The following LRP1B variants were observed in gnomAD, a reference collection of about 807,000 sequenced individuals.
LRP1B encodes the protein low-density lipoprotein receptor-related protein 1B.
LRP1B carries 217 observed loss-of-function variants against 556.6 expected under a neutral mutation model. The observed-to-expected ratio is 0.39, with a 90% CI of 0.35 to 0.44. The LOEUF (loss-of-function observed/expected upper bound fraction) is 0.44. LRP1B is among the 20% of genes least tolerant of loss of function. The probability of loss-of-function intolerance (pLI) is 1.00; values close to 1 mark genes in which losing one functional copy is unlikely to be tolerated. For synonymous variants in LRP1B, 2,047 were observed against 1,865.8 expected (o/e 1.10, Z -2.50); for missense variants, 5,053 against 5,620.8 (o/e 0.90, Z 3.23).
At chr2:141,932,567 T>A (rs1700536514) in intron 1 of LRP1B, among the ~76,000 whole-genome samples, 1 of 152,050 alleles carries the variant, frequency 6.6e-6, no homozygotes, top group African/African-American at 2.4e-5. Flanking sequence ...CTTGTGTAAG[T>A]GCATTTCATA....
At chr2:142,121,587 A>T (rs1707457768) in intron 1 of LRP1B, among the ~76,000 whole-genome samples, 1 of 152,170 alleles carries the variant, frequency 6.6e-6, no homozygotes, top group African/African-American at 2.4e-5. Flanking sequence ...GTTTTACCAA[A>T]TATGTCACTT....
intron 23 of LRP1B, among the ~76,000 whole-genome samples, chr2:140,889,898 A>T (rs1693748112): frequency 6.6e-6 from 1 of 152,110 alleles, no homozygotes; most frequent in Non-Finnish European, 1.5e-5. Flanking sequence ...GTAAATGAAG[A>T]TGTGCATACA....
chr2:141,434,740 G>T (rs895110159), intron 3 of LRP1B, among the ~76,000 whole-genome samples: 1 of 130,470 alleles, frequency 7.7e-6, no homozygotes, highest in Non-Finnish European at 1.7e-5. Flanking sequence ...CTAGCTGGTG[G>T]TATTGATAGG....
intron 2 of LRP1B, among the ~76,000 whole-genome samples, chr2:141,586,926 A>G (rs1687159490): frequency 6.8e-6 from 1 of 147,710 alleles, no homozygotes; most frequent in Non-Finnish European, 1.5e-5. Context: ...TGGGCGACAG[A>G]GTGAGACTCC....
At chr2:140,515,733 T>C (rs761282691) in intron 50 of LRP1B, among the ~76,000 whole-genome samples, 5 of 151,994 alleles carry the variant, frequency 3.3e-5, no homozygotes, top group Admixed American at 2.6e-4. Context: ...TGAATCCACA[T>C]ACAATATTTT....
chr2:141,811,791 G>A lies in LRP1B; in HGVS notation c.83-1390C>T, dbSNP rs570566075. On this transcript the variant is annotated intron_variant, in intron 1 of 90. Coordinates refer to ENST00000389484, the MANE Select transcript of LRP1B (RefSeq NM_018557.3). The stretch of plus-strand genomic sequence containing the variant: ...ATTTGGCCTCAGACTTGGTGCTGTA[G>A]AATCAACGATGTAGAAGCCAGTCTT... Among the ~76,000 whole-genome samples the A allele has an allele frequency of 1.4e-3, 215 of 152,182 alleles. 1 individual carries two copies. The highest frequency in any genetic ancestry group is 5.0e-3 in the African/African-American group (206 of 41,546).
chr2:140,367,903 C>G (rs1573853448), intron 71 of LRP1B, among the ~76,000 whole-genome samples: 1 of 151,644 alleles, frequency 6.6e-6, no homozygotes, highest in African/African-American at 2.4e-5. Context: ...AAATGAGTTC[C>G]CTAAGGTATT....
intron 9 of LRP1B, among the ~76,000 whole-genome samples, chr2:141,056,898 C>A (rs1436331273): frequency 2.0e-5 from 3 of 151,836 alleles, no homozygotes; most frequent in Admixed American, 6.6e-5. Flanking sequence ...AATTTGCTAT[C>A]TTTGTCCTAA....
At chr2:140,879,945 C>G (rs1484620901) in intron 25 of LRP1B, among the ~76,000 whole-genome samples, 4 of 145,498 alleles carry the variant, frequency 2.7e-5, no homozygotes, top group Non-Finnish European at 6.1e-5. Context: ...ATAAATGATC[C>G]TGGTTAAAAA....
intron 27 of LRP1B, among the ~76,000 whole-genome samples, chr2:140,859,965 A>C (rs1396242864): frequency 6.6e-6 from 1 of 151,988 alleles, no homozygotes; most frequent in Non-Finnish European, 1.5e-5. Flanking sequence ...CCTGCACTCC[A>C]GCCTGGGTGA....
chr2:141,194,057 T>C (rs1217487065), intron 6 of LRP1B, among the ~76,000 whole-genome samples: 1 of 152,116 alleles, frequency 6.6e-6, no homozygotes, highest in African/African-American at 2.4e-5. Flanking sequence ...ACTTTCATTG[T>C]CCAGTACAAT....
At chr2:140,836,765 AAG>A (rs1353613452) in intron 31 of LRP1B, among the ~76,000 whole-genome samples, 1 of 152,224 alleles carries the variant, frequency 6.6e-6, no homozygotes, top group African/African-American at 2.4e-5. Flanking sequence ...TTTAAAAAAA[AAG>A]TATTGCATTT....
At chr2:140,755,427 T>G (rs1432293164) in intron 35 of LRP1B, among the ~76,000 whole-genome samples, 1 of 151,932 alleles carries the variant, frequency 6.6e-6, no homozygotes, top group Non-Finnish European at 1.5e-5. Context: ...AAAATACTAG[T>G]GAACTGAATC....
chr2:141,155,000 T>A (rs1486139346), intron 7 of LRP1B, among the ~76,000 whole-genome samples: 1 of 151,958 alleles, frequency 6.6e-6, no homozygotes, highest in African/African-American at 2.4e-5. Context: ...GTACATTACT[T>A]TGCCTGTAGC....
At chr2:141,219,482 C>T (rs1682947487) in intron 6 of LRP1B, among the ~76,000 whole-genome samples, 4 of 152,148 alleles carry the variant, frequency 2.6e-5, no homozygotes, top group South Asian at 2.1e-4. Flanking sequence ...AAGGTGTGAC[C>T]GTGATCTTGA....
At chr2:140,843,275 A>G (rs1344332660) in intron 29 of LRP1B, among the ~76,000 whole-genome samples, 3 of 152,112 alleles carry the variant, frequency 2.0e-5, no homozygotes, top group East Asian at 3.9e-4. Context: ...TGTCAATTCT[A>G]TAGTTCATGC....
At chr2:141,203,196 C>A (rs901549806) in intron 6 of LRP1B, among the ~76,000 whole-genome samples, 1 of 151,918 alleles carries the variant, frequency 6.6e-6, no homozygotes, top group Non-Finnish European at 1.5e-5. Flanking sequence ...ACAATATTAA[C>A]CTTAAATGTA....
intron 22 of LRP1B, among the ~76,000 whole-genome samples, chr2:140,907,173 T>C (rs1168569783): frequency 6.6e-6 from 1 of 152,100 alleles, no homozygotes; most frequent in African/African-American, 2.4e-5. Context: ...TTCTTCATTA[T>C]CTATTGATGT....
chr2:140,966,321 C>A (rs1696219681), intron 18 of LRP1B, among the ~76,000 whole-genome samples: 1 of 152,192 alleles, frequency 6.6e-6, no homozygotes, highest in African/African-American at 2.4e-5. Context: ...AGCATTTTTT[C>A]ACATGTCTGT....
Sources: gnomAD v4.1 joint callset for allele counts (sites outside exome capture counted in the v4.1 genomes callset) on GRCh38, gnomAD v4.1.1 for gene constraint, MANE v1.5 for transcripts, NCBI Gene and HGNC (gene_info 2026-07-23, HGNC 2026-07-21) for gene names.